Variants in SLIT3 observed in about 807,000 individuals in gnomAD.
SLIT3 encodes the protein slit guidance ligand 3.
A neutral mutation model predicts 184.0 loss-of-function variants in SLIT3; 68 were observed. The observed-to-expected ratio is 0.37, with a 90% confidence interval of 0.30 to 0.45. The LOEUF (loss-of-function observed/expected upper bound fraction) is 0.45. Among genes scored for constraint, SLIT3 ranks in the 20% least tolerant of loss-of-function variants. The probability of loss-of-function intolerance (pLI) is 1.00; values close to 1 mark genes in which losing one functional copy is unlikely to be tolerated. For missense variants in SLIT3, 1,707 were observed against 2,026.0 expected, an observed-to-expected ratio of 0.84 and a Z score of 3.02; for synonymous variants, 831 against 828.6, an observed-to-expected ratio of 1.00 and a Z score of -0.05.
chr5:169,227,799 G>T (rs553691098), intron 3 of SLIT3, among the ~76,000 whole-genome samples: 1 of 152,128 alleles, frequency 6.6e-6, no homozygotes, highest in African/African-American at 2.4e-5. Context: ...ACCCCCTTTC[G>T]CAGATGAGGA....
intron 3 of SLIT3, among the ~76,000 whole-genome samples, chr5:169,239,847 T>C (rs978333495): frequency 6.6e-6 from 1 of 152,084 alleles, no homozygotes; most frequent in African/African-American, 2.4e-5. Flanking sequence ...AATCAAGATA[T>C]GTGCTTCTTT....
intron 20 of SLIT3, among the ~76,000 whole-genome samples, chr5:168,731,014 T>TA (rs768156650): frequency 9.2e-5 from 14 of 151,442 alleles, no homozygotes; most frequent in Non-Finnish European, 1.3e-4. Flanking sequence ...TTCAAAAAGA[T>TA]AAACAAAATT....
intron 3 of SLIT3, among the ~76,000 whole-genome samples, chr5:169,229,783 T>G (rs1033287434): frequency 6.6e-6 from 1 of 152,096 alleles, no homozygotes; most frequent in Non-Finnish European, 1.5e-5. Context: ...GGTAATCTCA[T>G]AAGAGCCTCA....
intron 4 of SLIT3, among the ~76,000 whole-genome samples, chr5:169,105,404 G>A (rs111515893): frequency 0.021 from 3,146 of 152,182 alleles, 49 homozygotes; most frequent in East Asian, 0.036. Flanking sequence ...ACGACTTCTC[G>A]CCCCATCTTT....
At chr5:168,765,459 T>G (rs1022728886) in intron 14 of SLIT3, among the ~76,000 whole-genome samples, 10 of 152,142 alleles carry the variant, frequency 6.6e-5, no homozygotes, top group African/African-American at 2.4e-4. Flanking sequence ...CCAGAAATGT[T>G]AATAACGGCG....
intron 6 of SLIT3, among the ~76,000 whole-genome samples, chr5:168,836,821 A>T (rs1388737575): frequency 6.6e-6 from 1 of 152,220 alleles, no homozygotes; most frequent in East Asian, 1.9e-4. Context: ...CCAGGAATGT[A>T]CACCAATACA....
At chr5:168,841,050 G>T (rs980943856) in intron 6 of SLIT3, among the ~76,000 whole-genome samples, 1 of 152,236 alleles carries the variant, frequency 6.6e-6, no homozygotes, top group Non-Finnish European at 1.5e-5. Context: ...CAGCGGGATT[G>T]TGAGTCATTG....
At chr5:168,965,688 T>A (rs1054402753) in intron 4 of SLIT3, among the ~76,000 whole-genome samples, 3 of 152,220 alleles carry the variant, frequency 2.0e-5, no homozygotes, top group African/African-American at 7.2e-5. Flanking sequence ...GACAGAATTC[T>A]TCTCTATCGC....
intron 35 of SLIT3, among the ~76,000 whole-genome samples, chr5:168,667,945 T>C (rs547449006): frequency 1.3e-5 from 2 of 152,350 alleles, no homozygotes; most frequent in South Asian, 2.1e-4. Flanking sequence ...CTGTTTATAC[T>C]GTCCTGACAG....
intron 32 of SLIT3, among the ~76,000 whole-genome samples, chr5:168,680,577 G>A (rs1231693497): frequency 1.3e-5 from 2 of 152,226 alleles, no homozygotes; most frequent in Non-Finnish European, 2.9e-5. Context: ...TGGCCCTGAG[G>A]CCAAGGTGGC....
At chr5:169,057,525 G>A (rs1222601767) in intron 4 of SLIT3, among the ~76,000 whole-genome samples, 1 of 152,236 alleles carries the variant, frequency 6.6e-6, no homozygotes, top group African/African-American at 2.4e-5. Flanking sequence ...AGCTCCCAGA[G>A]GGGGATGTAG....
At chr5:168,911,219 A>G (rs549451889) in intron 4 of SLIT3, among the ~76,000 whole-genome samples, 17 of 152,332 alleles carry the variant, frequency 1.1e-4, no homozygotes, top group African/African-American at 4.1e-4. Context: ...ATTATTGTGC[A>G]TATAATAGAT....
chr5:168,678,710 A>G (rs980272500), intron 32 of SLIT3, among the ~76,000 whole-genome samples: 3 of 152,036 alleles, frequency 2.0e-5, no homozygotes, highest in Admixed American at 6.6e-5. Context: ...AACAAAAATC[A>G]TTATTAAATC....
intron 29 of SLIT3, among the ~76,000 whole-genome samples, chr5:168,691,462 T>C (rs1426843101): frequency 6.6e-6 from 1 of 152,220 alleles, no homozygotes. Flanking sequence ...GGACAGATTC[T>C]GGGTGATGAC....
chr5:169,259,576 C>G (rs1766093749), intron 1 of SLIT3, among the ~76,000 whole-genome samples: 2 of 152,138 alleles, frequency 1.3e-5, no homozygotes, highest in African/African-American at 4.8e-5. Context: ...CAGAATACTG[C>G]CTTCTGGGTT....
At chr5:168,680,106 C>A (rs1005326604) in intron 32 of SLIT3, among the ~76,000 whole-genome samples, 1 of 152,238 alleles carries the variant, frequency 6.6e-6, no homozygotes, top group African/African-American at 2.4e-5. Flanking sequence ...GAGCTGAGGT[C>A]AGCCACTCCT....
chr5:169,029,343 C>T (rs183693896), intron 4 of SLIT3, among the ~76,000 whole-genome samples: 21 of 152,312 alleles, frequency 1.4e-4, no homozygotes, highest in Admixed American at 3.3e-4. Context: ...TTCATTTGTT[C>T]TCAAAGGGTG....
intron 5 of SLIT3, among the ~76,000 whole-genome samples, chr5:168,877,836 C>T (rs1394761267): frequency 6.6e-6 from 1 of 151,588 alleles, no homozygotes; most frequent in Admixed American, 6.6e-5. Context: ...AACATAACTG[C>T]TGAGAAAGAC....
intron 4 of SLIT3, among the ~76,000 whole-genome samples, chr5:169,124,993 CTGTTTT>C (rs1761022740): frequency 6.6e-6 from 1 of 152,070 alleles, no homozygotes; most frequent in African/African-American, 2.4e-5. Context: ...TTCTTTCTTT[CTGTTTT>C]TATTTTTTGT....
Sources: allele counts gnomAD v4.1 joint callset (sites outside exome capture counted in the v4.1 genomes callset), GRCh38; gene constraint gnomAD v4.1.1; transcripts MANE v1.5; gene names NCBI Gene and HGNC (gene_info 2026-07-23, HGNC 2026-07-21).